Variants in ZNF451 observed in about 807,000 individuals in gnomAD.
ZNF451 encodes the protein E3 SUMO-protein ligase ZNF451.
In ZNF451, 80 loss-of-function variants were observed where a neutral mutation model predicts 107.1. That is an observed-to-expected ratio of 0.75 (90% confidence interval 0.62 to 0.90). ZNF451 has a LOEUF of 0.90. ZNF451 is among the 40% of genes least tolerant of loss of function. The pLI is 0.00. For missense variants in ZNF451, 1,107 were observed against 1,236.2 expected (o/e 0.90, Z 1.57); for synonymous variants, 362 against 406.5 (o/e 0.89, Z 1.32).
intron 2 of ZNF451, among the ~76,000 whole-genome samples, chr6:57,097,508 TA>T (rs747865895): frequency 6.6e-5 from 10 of 152,220 alleles, no homozygotes; most frequent in Non-Finnish European, 1.5e-4. Context: ...CTGCATTCTC[TA>T]GTGTTTTAGA....
chr6:57,149,928 G>A (rs978456270), intron 10 of ZNF451, among the ~76,000 whole-genome samples: 1 of 151,912 alleles, frequency 6.6e-6, no homozygotes, highest in Non-Finnish European at 1.5e-5. Flanking sequence ...AAGGTGGCTT[G>A]GAAATGGAAG....
intron 3 of ZNF451, chr6:57,104,416 T>C (rs1829749722): frequency 1.4e-5 from 14 of 985,280 alleles, no homozygotes; most frequent in Non-Finnish European, 1.7e-5. Flanking sequence ...CTTTTCACTT[T>C]CCATTTGTCC....
chr6:57,155,379 G>A (rs1194390538), intron 13 of ZNF451, among the ~76,000 whole-genome samples: 4 of 151,348 alleles, frequency 2.6e-5, no homozygotes, highest in Middle Eastern at 3.2e-3. Flanking sequence ...CCAGCTACTC[G>A]GGAGGCTGAG....
At chr6:57,106,943 T>C (rs1015089775) in intron 3 of ZNF451, 2 of 926,774 alleles carry the variant, frequency 2.2e-6, no homozygotes, top group Admixed American at 6.2e-5. Context: ...CATTAAAATA[T>C]TATTTTATGA....
rs184647757 is a variant in ZNF451 at position 57,125,058 on chromosome 6, A to G, written c.312+199A>G. Among the ~76,000 whole-genome samples the G allele has an allele frequency of 3.5e-4, 53 of 152,260 alleles. 1 individual carries two copies. Among genetic ancestry groups the G allele is most frequent in the African/African-American group, 1.3e-3 (53 of 41,570 alleles). On this transcript the variant is annotated intron_variant, in intron 4 of 14. Transcript: ENST00000370706. Reference sequence around the variant, plus strand: ...GTTGGATTCTTATCTGTATATAGGAAAAGAAAAAATAAAATTAACTGAGTG... The same window carrying G: ...GTTGGATTCTTATCTGTATATAGGAGAAGAAAAAATAAAATTAACTGAGTG...
At chr6:57,099,671 G>A (rs1829494586) in intron 3 of ZNF451, 5 of 595,506 alleles carry the variant, frequency 8.4e-6, no homozygotes, top group South Asian at 6.5e-5. Context: ...TACCTGTGAT[G>A]TACTGGTTGT....
In ZNF451 at chr6:57,091,426, C is replaced by A. The variant is rs1287917473; in HGVS notation, c.105+532C>A. The A allele has an allele frequency of 2.9e-5, 4 of 140,012 alleles. No homozygotes were observed. The South Asian group carries it at 1.0e-3, about 36-fold the overall frequency. The allele number at this position is 140,012 out of a possible 1,614,324, so 8.7% of individuals were successfully genotyped here. A position where few individuals can be genotyped will look rare whatever the true frequency, so the allele number is the denominator to read the frequency against. On this transcript the variant is annotated intron_variant, in intron 2 of 14. Transcript: ENST00000370706. ...TGCTCTATTTTTCTGAGTTTGTTCC[C>A]TTTGAGACAGTAGTTTTCAAGCCTT...
chr6:57,111,680 C>T (rs1031361524), intron 3 of ZNF451, among the ~76,000 whole-genome samples: 25 of 152,028 alleles, frequency 1.6e-4, no homozygotes, highest in Admixed American at 1.1e-3. Flanking sequence ...CACGCCTGGC[C>T]GTATATTTTA....
intron 3 of ZNF451, among the ~76,000 whole-genome samples, chr6:57,121,099 G>C (rs900623576): frequency 6.6e-6 from 1 of 151,996 alleles, no homozygotes; most frequent in Non-Finnish European, 1.5e-5. Flanking sequence ...TGTTTTTTGC[G>C]TGTGGATGTC....
At chr6:57,100,353 C>G (rs916608728) in intron 3 of ZNF451, among the ~76,000 whole-genome samples, 2 of 152,084 alleles carry the variant, frequency 1.3e-5, no homozygotes, top group Admixed American at 6.6e-5. Context: ...TTACTCTCTC[C>G]TTTTTCATAA....
chr6:57,158,795 T>C, intron 13 of ZNF451: 1 of 985,492 alleles, frequency 1.0e-6, no homozygotes, highest in Non-Finnish European at 1.2e-6. Context: ...TTAGATGGTC[T>C]TGTTTATAAG....
intron 3 of ZNF451, chr6:57,101,238 G>A (rs1395645619): frequency 1.3e-6 from 2 of 1,551,090 alleles, no homozygotes; most frequent in Non-Finnish European, 1.7e-6. Context: ...TAAAAAGGGT[G>A]ACATTACAAT....
At chr6:57,131,805 AG>A (rs1831190414) in intron 5 of ZNF451, among the ~76,000 whole-genome samples, 1 of 152,238 alleles carries the variant, frequency 6.6e-6, no homozygotes, top group African/African-American at 2.4e-5. Context: ...AAAGCATTTG[AG>A]TGAAATTAGT....
At chr6:57,111,734 CTGAAG>C (rs1232474742) in intron 3 of ZNF451, among the ~76,000 whole-genome samples, 2 of 152,242 alleles carry the variant, frequency 1.3e-5, no homozygotes, top group East Asian at 3.9e-4. Context: ...TGGTCCTGTA[CTGAAG>C]GAGGATGTAA....
At chr6:57,146,999 G>T in intron 9 of ZNF451, 91 bp from the exon 10 acceptor site, 1 of 1,169,494 alleles carries the variant, frequency 8.6e-7, no homozygotes, top group South Asian at 1.7e-5. Flanking sequence ...TTTATACGTT[G>T]GTTATTTTAT....
chr6:57,134,617 T>C lies in ZNF451; in HGVS notation c.576-127T>C, dbSNP rs1235470058. ...TGTATATGAAGAACATTACTTAATATTTCAGTAGAAAAGTGCAAAGTTCTG... is the reference window on the plus strand; with the variant it reads ...TGTATATGAAGAACATTACTTAATACTTCAGTAGAAAAGTGCAAAGTTCTG... On this transcript the variant is annotated intron_variant, in intron 6 of 14. Coordinates refer to ENST00000370706, the MANE Select transcript of ZNF451 (RefSeq NM_001031623.3). 4.2e-6 allele frequency: 3 copies of C among 719,614 alleles called. No homozygotes were observed. In the African/African-American group the frequency reaches 5.3e-5, roughly 13 times the overall value. 44.6% of individuals were successfully genotyped at this position (719,614 alleles called of 1,614,324 possible). A position where few individuals can be genotyped will look rare whatever the true frequency, so the allele number is the denominator to read the frequency against.
At chr6:57,165,549 C>A (rs1763859962) in intron 14 of ZNF451, 1 of 152,200 alleles carries the variant, frequency 6.6e-6, no homozygotes, top group Non-Finnish European at 1.5e-5. Flanking sequence ...TACTCAAATT[C>A]ATTAAGCCCC....
intron 3 of ZNF451, chr6:57,124,286 TC>T (rs57394358): frequency 1.6e-6 from 1 of 609,004 alleles, no homozygotes; most frequent in Admixed American, 2.9e-5. Context: ...TATGGCTGGC[TC>T]CCCCTGGAGT....
At chr6:57,154,233 G>A in intron 13 of ZNF451, 186 bp downstream of exon 13, 1 of 619,326 alleles carries the variant, frequency 1.6e-6, no homozygotes, top group Non-Finnish European at 2.8e-6. Flanking sequence ...TTTAGAAGGA[G>A]GATGAATTCA....
Sources: gnomAD v4.1 joint callset for allele counts (sites outside exome capture counted in the v4.1 genomes callset) on GRCh38, gnomAD v4.1.1 for gene constraint, MANE v1.5 for transcripts, NCBI Gene and HGNC (gene_info 2026-07-23, HGNC 2026-07-21) for gene names.